Variants in CUBN observed in about 807,000 individuals in gnomAD.
The protein encoded by CUBN is 460 kDa receptor.
Under a neutral mutation model 405.3 loss-of-function variants are expected in CUBN, and 282 were observed. The ratio of observed to expected loss-of-function variants is 0.70; its 90% confidence interval spans 0.63 to 0.77. The LOEUF (loss-of-function observed/expected upper bound fraction) is 0.77, where lower values mean the gene tolerates loss of function less well. Among genes scored for constraint, CUBN ranks in the 30% least tolerant of loss-of-function variants. The probability of loss-of-function intolerance (pLI) is 0.00; values close to 1 mark genes in which losing one functional copy is unlikely to be tolerated. For synonymous variants in CUBN, 1,684 were observed against 1,617.0 expected, an observed-to-expected ratio of 1.04 and a Z score of -0.99; for missense variants, 4,514 against 4,475.2, an observed-to-expected ratio of 1.01 and a Z score of -0.25.
intron 17 of CUBN, among the ~76,000 whole-genome samples, chr10:17,073,692 C>T (rs1835788632): frequency 6.6e-6 from 1 of 150,444 alleles, no homozygotes; most frequent in African/African-American, 2.5e-5. Flanking sequence ...GTGATCCACC[C>T]ACCTCGGACT....
At chr10:16,910,877 T>G (rs1218555751) in intron 48 of CUBN, among the ~76,000 whole-genome samples, 11 of 152,150 alleles carry the variant, frequency 7.2e-5, no homozygotes, top group Non-Finnish European at 1.0e-4. Context: ...TTATTGCCCT[T>G]GCCCATTTCC....
intron 56 of CUBN, among the ~76,000 whole-genome samples, chr10:16,886,144 T>C (rs1209766353): frequency 1.3e-5 from 2 of 152,228 alleles, no homozygotes; most frequent in East Asian, 3.9e-4. Context: ...ATTCCATTTT[T>C]ACAGTGACAT....
chr10:17,040,522 A>G (rs4748344), intron 27 of CUBN, among the ~76,000 whole-genome samples: 32,807 of 152,114 alleles, frequency 0.22, 3,881 homozygotes, highest in Middle Eastern at 0.36. Flanking sequence ...ATTGCCTGAA[A>G]TTGCATACAG....
At chr10:17,023,533 T>C (rs1013854207) in intron 27 of CUBN, 30 of 443,646 alleles carry the variant, frequency 6.8e-5, no homozygotes, top group Admixed American at 1.2e-4. Flanking sequence ...ACAGTCATTT[T>C]TCAAAGTATA....
At chr10:17,004,041 T>C (rs1358101781) in intron 28 of CUBN, among the ~76,000 whole-genome samples, 1 of 152,232 alleles carries the variant, frequency 6.6e-6, no homozygotes, top group African/African-American at 2.4e-5. Context: ...ACTGTCTTCA[T>C]TACATCAGGC....
At chr10:17,055,957 A>G (rs1835385476) in intron 22 of CUBN, among the ~76,000 whole-genome samples, 1 of 152,148 alleles carries the variant, frequency 6.6e-6, no homozygotes, top group Non-Finnish European at 1.5e-5. Flanking sequence ...GATAGCCCAA[A>G]CAATTTTGAA....
intron 22 of CUBN, among the ~76,000 whole-genome samples, chr10:17,063,251 T>C (rs894504598): frequency 3.3e-5 from 5 of 152,158 alleles, no homozygotes; most frequent in East Asian, 1.9e-4. Flanking sequence ...CGTCATCTGA[T>C]TGCTATTTAG....
chr10:17,071,307 A>G, intron 19 of CUBN, 119 bp downstream of exon 19: 1 of 1,020,312 alleles, frequency 9.8e-7, no homozygotes, highest in Non-Finnish European at 1.5e-6. Context: ...ATGTATCCAT[A>G]AGACATATTG....
At chr10:17,015,726 A>T (rs7072140) in intron 28 of CUBN, among the ~76,000 whole-genome samples, 57,230 of 152,056 alleles carry the variant, frequency 0.38, 11,169 homozygotes, top group East Asian at 0.59. Context: ...CACTGCACTC[A>T]GGGGCAGTGC....
rs772656521 is a variant in CUBN at position 16,907,586 on chromosome 10, T to C, written c.7627A>G (p.Met2543Val). The change falls in exon 49 of 67, where the codon ATG (methionine) becomes GTG (valine). Residue 2543 changes from methionine (M) to valine (V), a missense_variant. Met to Val is a conservative substitution (Grantham distance 21, BLOSUM62 1). This residue lies in a region of CUBN where 1,613 missense variants were observed against 1,542.8 expected (regional missense o/e 1.05). Coordinates refer to ENST00000377833, the MANE Select transcript of CUBN (RefSeq NM_001081.4). ...SNEIKSSGNTMKVIFFTDGSR... is the reference protein window; with the variant it reads ...SNEIKSSGNTVKVIFFTDGSR... ...CCATCCGTGAAAAAAATGACTTTCA[T>C]TGTGTTTCCTGAAGATTTAATCTCA... is the stretch of plus-strand genomic sequence containing the variant. 3.1e-6 allele frequency: 5 copies of C among 1,613,916 alleles called. No individual in the cohort carries two copies. Among genetic ancestry groups the C allele is most frequent in the East Asian group, 2.2e-5 (1 of 44,890 alleles).
intron 56 of CUBN, among the ~76,000 whole-genome samples, chr10:16,879,674 G>A (rs996509206): frequency 2.0e-5 from 3 of 152,154 alleles, no homozygotes; most frequent in African/African-American, 7.2e-5. Flanking sequence ...TCCAATAAAG[G>A]TGAATTTCAA....
At chr10:17,117,460 C>T (rs142773971) in intron 6 of CUBN, among the ~76,000 whole-genome samples, 3,575 of 152,188 alleles carry the variant, frequency 0.023, 147 homozygotes, top group African/African-American at 0.079. Context: ...CTGCAACCTC[C>T]GCCTCCCAGG....
intron 10 of CUBN, among the ~76,000 whole-genome samples, chr10:17,105,806 T>C (rs1229136082): frequency 3.9e-5 from 6 of 152,242 alleles, no homozygotes; most frequent in Non-Finnish European, 7.3e-5. Flanking sequence ...ATTGACGTAC[T>C]GGGTTGACAT....
At chr10:16,958,493 T>C (rs1843133179) in intron 31 of CUBN, among the ~76,000 whole-genome samples, 1 of 152,130 alleles carries the variant, frequency 6.6e-6, no homozygotes, top group Admixed American at 6.6e-5. Context: ...ACCACTGCAC[T>C]CCATCATGGG....
intron 50 of CUBN, among the ~76,000 whole-genome samples, chr10:16,905,397 C>A (rs980545098): frequency 5.3e-5 from 8 of 152,066 alleles, no homozygotes; most frequent in African/African-American, 1.9e-4. Flanking sequence ...TCACGAAAAC[C>A]AAGACAAATG....
chr10:17,023,081 C>G (rs141900451), intron 27 of CUBN, among the ~76,000 whole-genome samples: 80 of 151,862 alleles, frequency 5.3e-4, no homozygotes, highest in African/African-American at 1.7e-3. Flanking sequence ...GGCATTTTCA[C>G]GTGACTTAAA....
intron 28 of CUBN, among the ~76,000 whole-genome samples, chr10:17,013,002 T>C (rs984022630): frequency 2.0e-5 from 3 of 152,208 alleles, no homozygotes; most frequent in Admixed American, 6.5e-5. Flanking sequence ...GGGTTGTCAG[T>C]GGCCTCAGTG....
intron 22 of CUBN, 30 bp from the exon 23 acceptor site, chr10:17,047,633 A>C (rs779221953): frequency 1.9e-6 from 3 of 1,576,110 alleles, no homozygotes; most frequent in Non-Finnish European, 2.6e-6. Flanking sequence ...ATAAGAGAGA[A>C]AATAGAAAAT....
chr10:17,102,916 C>G (rs1438156052), intron 13 of CUBN, among the ~76,000 whole-genome samples: 1 of 152,050 alleles, frequency 6.6e-6, no homozygotes, highest in Non-Finnish European at 1.5e-5. Context: ...CTGCACCCAG[C>G]CCCTGTGACT....
Sources: allele counts gnomAD v4.1 joint callset (sites outside exome capture counted in the v4.1 genomes callset), GRCh38; gene constraint gnomAD v4.1.1; regional missense constraint gnomAD v4.1.1; transcripts MANE v1.5; gene names NCBI Gene and HGNC (gene_info 2026-07-23, HGNC 2026-07-21).